Variants in TASP1 observed in about 807,000 individuals in gnomAD.
TASP1 encodes taspase 1.
A neutral mutation model predicts 56.6 loss-of-function variants in TASP1; 16 were observed. That is an observed-to-expected ratio of 0.28 (90% CI 0.19 to 0.43). The LOEUF (loss-of-function observed/expected upper bound fraction) is 0.43. Among genes scored for constraint, TASP1 ranks in the 20% least tolerant of loss-of-function variants. TASP1 has a pLI of 1.00. For synonymous variants in TASP1, 179 were observed against 184.2 expected (o/e 0.97, Z 0.23); for missense variants, 393 against 511.6 (o/e 0.77, Z 2.24).
At chr20:13,372,221 A>G in the TASP1 span, among the ~76,000 whole-genome samples, 1 of 152,212 alleles carries the variant, frequency 6.6e-6, no homozygotes, top group Non-Finnish European at 1.5e-5. Context: ...CACTGAGTAA[A>G]GCAGATTGCC....
the TASP1 span, among the ~76,000 whole-genome samples, chr20:13,185,452 C>G: frequency 6.6e-6 from 1 of 152,286 alleles, no homozygotes; most frequent in East Asian, 1.9e-4. Context: ...CCTCACTTCC[C>G]AGCTCACCAC....
At chr20:13,289,130 ATGAGC>A in the TASP1 span, among the ~76,000 whole-genome samples, 5 of 152,336 alleles carry the variant, frequency 3.3e-5, 1 homozygote, top group Admixed American at 3.3e-4. Context: ...GAGATAATTG[ATGAGC>A]TGAATGGATT....
Position 13,559,035 on chromosome 20 carries a change from T to C in TASP1, c.648A>G (p.Leu216=). The C allele has an allele frequency of 1.3e-6, 2 of 1,596,144 alleles. No homozygotes were observed. Among genetic ancestry groups the C allele is most frequent in the South Asian group, 2.3e-5 (2 of 87,356 alleles). Residue 216 remains leucine, a synonymous_variant, in exon 8 of 14, where the codon CTA becomes CTG. Coordinates refer to ENST00000337743, the MANE Select transcript of TASP1 (RefSeq NM_017714.3). ...TCTCACTTGATTGTCTTCTTTTCTTTAGTTGCATAAAATCTGTGTCCACCC... is the reference window on the plus strand; with the variant it reads ...TCTCACTTGATTGTCTTCTTTTCTTCAGTTGCATAAAATCTGTGTCCACCC... ...AERVDTDFMQ[L]KKRRQSSEKE... is the part of the protein sequence containing the mutation.
chr20:13,117,340 T>C, the TASP1 span, among the ~76,000 whole-genome samples: 1 of 152,212 alleles, frequency 6.6e-6, no homozygotes, highest in Non-Finnish European at 1.5e-5. Flanking sequence ...AATGCCCAAG[T>C]GGCCTTACAA....
the TASP1 span, among the ~76,000 whole-genome samples, chr20:13,195,409 A>G: frequency 5.3e-5 from 8 of 152,142 alleles, no homozygotes; most frequent in African/African-American, 1.9e-4. Flanking sequence ...GTGGAAGTCA[A>G]GTCACAAGGG....
intron 12 of TASP1, among the ~76,000 whole-genome samples, chr20:13,427,803 A>G (rs1245907594): frequency 6.6e-6 from 1 of 152,196 alleles, no homozygotes; most frequent in African/African-American, 2.4e-5. Context: ...TCATAGTAAA[A>G]GATGAAAAAA....
chr20:13,183,425 G>A, the TASP1 span, among the ~76,000 whole-genome samples: 1 of 152,144 alleles, frequency 6.6e-6, no homozygotes, highest in Non-Finnish European at 1.5e-5. Flanking sequence ...GGTAGCAAAA[G>A]CTAACTGATA....
At chr20:13,629,252 T>C (rs1442811647) in intron 2 of TASP1, among the ~76,000 whole-genome samples, 1 of 150,784 alleles carries the variant, frequency 6.6e-6, no homozygotes, top group Non-Finnish European at 1.5e-5. Flanking sequence ...TAATCCCAGC[T>C]ACTCAAGAGG....
At chr20:13,172,371 C>T in the TASP1 span, among the ~76,000 whole-genome samples, 2 of 152,070 alleles carry the variant, frequency 1.3e-5, no homozygotes, top group East Asian at 1.9e-4. Context: ...AAGTTCATAC[C>T]AATTTTCACA....
At chr20:13,268,013 G>A in the TASP1 span, among the ~76,000 whole-genome samples, 1 of 152,108 alleles carries the variant, frequency 6.6e-6, no homozygotes, top group Non-Finnish European at 1.5e-5. Context: ...GGAGATTAAG[G>A]GAAAAAAGCA....
chr20:13,320,231 T>C, the TASP1 span, among the ~76,000 whole-genome samples: 1 of 152,308 alleles, frequency 6.6e-6, no homozygotes, highest in South Asian at 2.1e-4. Flanking sequence ...CTTGTATTCA[T>C]GGAATAGGTG....
At chr20:13,417,640 C>T (rs1174191518) in intron 12 of TASP1, 119 bp from the exon 13 acceptor site, 2 of 1,017,838 alleles carry the variant, frequency 2.0e-6, no homozygotes, top group African/African-American at 1.6e-5. Context: ...TCCCCACTTT[C>T]CATTTGCTTG....
intron 12 of TASP1, among the ~76,000 whole-genome samples, chr20:13,424,221 CA>C (rs1474236811): frequency 1.3e-5 from 2 of 152,176 alleles, no homozygotes; most frequent in East Asian, 1.9e-4. Flanking sequence ...AAAAAGCTTT[CA>C]AAATGTGTTA....
chr20:13,388,473 C>T (rs2041180498), downstream of TASP1, among the ~76,000 whole-genome samples: 1 of 151,988 alleles, frequency 6.6e-6, no homozygotes, highest in African/African-American at 2.4e-5. Flanking sequence ...TTTATACTGG[C>T]CAGTTTTTGA....
downstream of TASP1, among the ~76,000 whole-genome samples, chr20:13,386,731 T>C (rs951347848): frequency 6.6e-6 from 1 of 152,182 alleles, no homozygotes; most frequent in Non-Finnish European, 1.5e-5. Flanking sequence ...GATGTCCTCA[T>C]ACCCGTAAAC....
chr20:13,517,336 G>A (rs138765683), intron 10 of TASP1, among the ~76,000 whole-genome samples: 322 of 152,146 alleles, frequency 2.1e-3, no homozygotes, highest in African/African-American at 7.1e-3. Context: ...ATTACAAGTC[G>A]TCTTGCTGAG....
intron 10 of TASP1, among the ~76,000 whole-genome samples, chr20:13,486,064 T>C (rs2043309415): frequency 6.6e-6 from 1 of 152,206 alleles, no homozygotes; most frequent in Non-Finnish European, 1.5e-5. Flanking sequence ...CTCTCTGACA[T>C]TGATCATCTT....
At chr20:13,299,066 G>T in the TASP1 span, 1 of 1,613,788 alleles carries the variant, frequency 6.2e-7, no homozygotes. This position sits in a 1 kb window ranked among gnomAD's most constrained non-coding sequence, Gnocchi z 5.8. Context: ...CCTACAGCAC[G>T]GCCGACATCT....
chr20:13,475,986 G>T (rs1195635738), intron 11 of TASP1, among the ~76,000 whole-genome samples: 1 of 151,936 alleles, frequency 6.6e-6, no homozygotes, highest in Non-Finnish European at 1.5e-5. Context: ...GGGCAAGGTG[G>T]CAGACACTTG....
Sources: allele counts gnomAD v4.1 joint callset (sites outside exome capture counted in the v4.1 genomes callset), GRCh38; gene constraint gnomAD v4.1.1; non-coding constraint Gnocchi (gnomAD v3.1); transcripts MANE v1.5; gene names NCBI Gene and HGNC (gene_info 2026-07-23, HGNC 2026-07-21).